HECW1: variants seen among roughly 807,000 people sequenced by gnomAD.
The protein encoded by HECW1 is HECT, C2 and WW domain containing E3 ubiquitin protein ligase 1, also known as E3 ubiquitin-protein ligase HECW1.
Under a neutral mutation model 182.3 loss-of-function variants are expected in HECW1, and 61 were observed. That is an observed-to-expected ratio of 0.33 (90% CI 0.27 to 0.41). The LOEUF (loss-of-function observed/expected upper bound fraction) is 0.41, where lower values mean the gene tolerates loss of function less well. HECW1 is among the 10% of genes least tolerant of loss of function. The probability of loss-of-function intolerance (pLI) is 1.00; values close to 1 mark genes in which losing one functional copy is unlikely to be tolerated. For missense variants in HECW1, 1,739 were observed against 2,108.9 expected, an observed-to-expected ratio of 0.82 and a Z score of 3.44; for synonymous variants, 859 against 832.6, an observed-to-expected ratio of 1.03 and a Z score of -0.55.
chr7:43,311,646 A>C (rs1290160819), intron 3 of HECW1, 117 bp from the exon 4 acceptor site: 2 of 916,378 alleles, frequency 2.2e-6, no homozygotes, highest in Non-Finnish European at 3.6e-6. Flanking sequence ...ATATCTGCCC[A>C]GCAGGGCAGC....
chr7:43,305,934 A>G (rs1807506711), intron 3 of HECW1, among the ~76,000 whole-genome samples: 1 of 151,274 alleles, frequency 6.6e-6, no homozygotes, highest in Non-Finnish European at 1.5e-5. Context: ...CTAATTTTGT[A>G]TTTTTAGTAG....
Position 43,550,545 on chromosome 7 carries a change from G to A in HECW1, c.4349G>A (p.Arg1450His), listed in dbSNP as rs777450594. 6 of 1,611,340 alleles carry A rather than the reference G, an allele frequency of 3.7e-6. No individual in the cohort carries two copies. Among genetic ancestry groups the A allele is most frequent in the Non-Finnish European group, 5.1e-6 (6 of 1,178,858 alleles). Residue 1450 changes from arginine to histidine, a missense_variant, in exon 27 of 30, where the codon CGC becomes CAC. Physicochemically the swap from Arg to His is conservative, Grantham distance 29. Transcript: ENST00000395891. The stretch of plus-strand genomic sequence containing the variant: ...CGCATGGTGAAGTGGCGGGTGGAGC[G>A]CGGCGTGGTACAGCAGACCGAGGCG... ...IERMVKWRVE[R>H]GVVQQTEALV...
intron 2 of HECW1, among the ~76,000 whole-genome samples, chr7:43,142,113 T>C (rs1431174765): frequency 6.6e-6 from 1 of 152,114 alleles, no homozygotes; most frequent in East Asian, 1.9e-4. Context: ...GAAAACTAGA[T>C]TGAGGTCTGG....
chr7:43,488,539 G>T (rs2078809129), intron 17 of HECW1, among the ~76,000 whole-genome samples: 1 of 152,056 alleles, frequency 6.6e-6, no homozygotes, highest in African/African-American at 2.4e-5. Flanking sequence ...AGCCATGTTG[G>T]CATCATGTTT....
chr7:43,351,942 C>T (rs1343287892), intron 5 of HECW1, among the ~76,000 whole-genome samples: 1 of 152,122 alleles, frequency 6.6e-6, no homozygotes, highest in African/African-American at 2.4e-5. Flanking sequence ...TATTCAGAGT[C>T]CCACCTTGAA....
chr7:43,205,966 C>A (rs904490228), intron 2 of HECW1, among the ~76,000 whole-genome samples: 1 of 152,154 alleles, frequency 6.6e-6, no homozygotes, highest in African/African-American at 2.4e-5. Context: ...GTCTTTGTTA[C>A]CCCTCCCCAT....
chr7:43,300,904 CT>C (rs1452898155), intron 3 of HECW1, among the ~76,000 whole-genome samples: 1 of 152,200 alleles, frequency 6.6e-6, no homozygotes, highest in Admixed American at 6.5e-5. Flanking sequence ...GGAGCCGCCC[CT>C]GCTACTTTGT....
chr7:43,541,221 G>A lies in HECW1; in HGVS notation c.4078G>A (p.Ala1360Thr). The change falls in exon 25 of 30, where the codon GCT becomes ACT. Residue 1360 changes from alanine to threonine, a missense_variant. Transcript: ENST00000395891. ...TCTGATCCATCAGTACCTTCTTGAC[G>A]CTTTCTTCACGAGGCCCTTCTACAA... is the stretch of plus-strand genomic sequence containing the variant. ...LALIHQYLLD[A>T]FFTRPFYKAL... The A allele has an allele frequency of 2.5e-6, 4 of 1,614,140 alleles. No homozygotes were observed. The highest frequency in any genetic ancestry group is 3.4e-6 in the Non-Finnish European group (4 of 1,180,020).
chr7:43,119,452 C>A (rs1221567355), intron 2 of HECW1, among the ~76,000 whole-genome samples: 3 of 152,198 alleles, frequency 2.0e-5, no homozygotes, highest in Non-Finnish European at 4.4e-5. Flanking sequence ...TTGATCTCAA[C>A]TGAATTTTGA....
intron 5 of HECW1, among the ~76,000 whole-genome samples, chr7:43,346,265 CAT>C (rs1361783683): frequency 1.3e-5 from 2 of 152,014 alleles, no homozygotes; most frequent in South Asian, 2.1e-4. Context: ...AGTATTTTTT[CAT>C]ATGTTTGTTG....
At chr7:43,385,275 TC>T (rs1489706678) in intron 6 of HECW1, among the ~76,000 whole-genome samples, 13 of 19,512 alleles carry the variant, frequency 6.7e-4, no homozygotes, top group African/African-American at 2.4e-3. Flanking sequence ...TCCCCTCCCC[TC>T]CCCTCTCCCC....
chr7:43,522,902 T>G, intron 24 of HECW1: 1 of 309,992 alleles, frequency 3.2e-6, no homozygotes, highest in South Asian at 2.3e-5. Flanking sequence ...GCTTCCCTAA[T>G]ATTTATTCCA....
At chr7:43,383,884 T>C (rs1329755322) in intron 6 of HECW1, among the ~76,000 whole-genome samples, 1 of 152,140 alleles carries the variant, frequency 6.6e-6, no homozygotes, top group African/African-American at 2.4e-5. Context: ...ATTCTTACAA[T>C]AAAGTAAGCT....
At chr7:43,354,535 G>A (rs1025649959) in intron 5 of HECW1, among the ~76,000 whole-genome samples, 11 of 152,118 alleles carry the variant, frequency 7.2e-5, no homozygotes, top group African/African-American at 2.7e-4. Flanking sequence ...TTTATTACAC[G>A]TTCTCAACAG....
intron 2 of HECW1, among the ~76,000 whole-genome samples, chr7:43,124,276 G>A (rs1402139090): frequency 3.9e-5 from 6 of 152,328 alleles, no homozygotes; most frequent in Admixed American, 2.6e-4. Flanking sequence ...TTTAGCACAT[G>A]TTGGTATAAA....
At chr7:43,505,496 CA>C (rs1386152156) in intron 21 of HECW1, among the ~76,000 whole-genome samples, 1 of 152,194 alleles carries the variant, frequency 6.6e-6, no homozygotes, top group Non-Finnish European at 1.5e-5. Context: ...CTACACTTAG[CA>C]TAAAACAAAA....
intron 5 of HECW1, among the ~76,000 whole-genome samples, chr7:43,331,437 C>CA (rs2086754132): frequency 6.6e-6 from 1 of 151,694 alleles, no homozygotes; most frequent in South Asian, 2.1e-4. Flanking sequence ...AAAAAAAATA[C>CA]AAAAAATTAG....
chr7:43,166,537 T>C (rs916974578), intron 2 of HECW1, among the ~76,000 whole-genome samples: 1 of 152,206 alleles, frequency 6.6e-6, no homozygotes, highest in African/African-American at 2.4e-5. Flanking sequence ...TTATTATTAC[T>C]GATATTTTAA....
intron 5 of HECW1, among the ~76,000 whole-genome samples, chr7:43,331,670 C>T (rs1027706048): frequency 2.0e-5 from 3 of 152,034 alleles, no homozygotes; most frequent in Non-Finnish European, 4.4e-5. Flanking sequence ...TAGGGACTCT[C>T]ATTAACTTAG....
Sources: allele counts gnomAD v4.1 joint callset (sites outside exome capture counted in the v4.1 genomes callset), GRCh38; gene constraint gnomAD v4.1.1; transcripts MANE v1.5; gene names NCBI Gene and HGNC (gene_info 2026-07-23, HGNC 2026-07-21).